The following AOPEP variants were observed in gnomAD, a reference collection of about 807,000 sequenced individuals.
AOPEP encodes aminopeptidase O (putative).
Under a neutral mutation model 98.1 loss-of-function variants are expected in AOPEP, and 77 were observed. The observed-to-expected ratio is 0.78, with a 90% CI of 0.65 to 0.95. The LOEUF (loss-of-function observed/expected upper bound fraction) is 0.95. AOPEP is among the 40% of genes least tolerant of loss of function. The pLI is 0.00. For synonymous variants in AOPEP, 346 were observed against 365.3 expected, an observed-to-expected ratio of 0.95 and a Z score of 0.60; for missense variants, 1,024 against 1,024.7, an observed-to-expected ratio of 1.00 and a Z score of 0.01.
chr9:95,079,204 C>T (rs1345758044), intron 14 of AOPEP, among the ~76,000 whole-genome samples: 6 of 152,174 alleles, frequency 3.9e-5, no homozygotes, highest in Non-Finnish European at 8.8e-5. Context: ...GGATTCTTTC[C>T]AAAAGATTGG....
chr9:94,735,907 A>G (rs924991114), intron 1 of AOPEP, among the ~76,000 whole-genome samples: 1 of 152,156 alleles, frequency 6.6e-6, no homozygotes, highest in Non-Finnish European at 1.5e-5. Flanking sequence ...TGTAAATGTA[A>G]TCATAGAATA....
rs1488500020 is a variant in AOPEP, at chr9:94,747,974, T to C, written c.-135-11675T>C. Among the ~76,000 whole-genome samples the C allele has an allele frequency of 3.3e-5, 5 of 152,302 alleles. No homozygotes were observed. In the East Asian group the frequency reaches 7.7e-4, roughly 23 times the overall value. ...TAAATAAAAAAATAGGAAATTCCAA[T>C]CTTGAATAAAGTAAAAATTAGTTCA... On this transcript the variant is annotated intron_variant, in intron 1 of 16. Coordinates refer to ENST00000375315, the MANE Select transcript of AOPEP (RefSeq NM_001193329.3).
intron 1 of AOPEP, among the ~76,000 whole-genome samples, chr9:94,750,495 G>A (rs1835435825): frequency 6.6e-6 from 1 of 152,020 alleles, no homozygotes; most frequent in African/African-American, 2.4e-5. Context: ...TGAGGCAGGA[G>A]AATCACTTGA....
chr9:94,739,122 T>C (rs950434301), intron 1 of AOPEP, among the ~76,000 whole-genome samples: 8 of 152,156 alleles, frequency 5.3e-5, no homozygotes, highest in Admixed American at 6.5e-5. Flanking sequence ...CTTGCAGGGC[T>C]CATCTGGCTT....
the AOPEP span, among the ~76,000 whole-genome samples, chr9:95,119,188 T>C: frequency 6.6e-6 from 1 of 152,360 alleles, no homozygotes; most frequent in Middle Eastern, 3.4e-3. Context: ...TGCCAACTTA[T>C]GTATCTTTTT....
chr9:95,026,083 C>A (rs2063814712), intron 13 of AOPEP, among the ~76,000 whole-genome samples: 1 of 152,188 alleles, frequency 6.6e-6, no homozygotes, highest in African/African-American at 2.4e-5. Context: ...TGCTAATGGA[C>A]TGATGTCATC....
the AOPEP span, chr9:95,125,013 G>A: frequency 1.6e-6 from 2 of 1,264,432 alleles, no homozygotes; most frequent in African/African-American, 1.5e-5. Flanking sequence ...AAAATAAAGT[G>A]CTCTTGTCCA....
At chr9:94,996,626 C>T (rs895346503) in intron 11 of AOPEP, among the ~76,000 whole-genome samples, 2 of 152,176 alleles carry the variant, frequency 1.3e-5, no homozygotes, top group Admixed American at 6.5e-5. Flanking sequence ...AGATACCACA[C>T]CTGCTCTATC....
intron 11 of AOPEP, among the ~76,000 whole-genome samples, chr9:94,982,315 G>A (rs894049209): frequency 2.6e-5 from 4 of 151,970 alleles, no homozygotes; most frequent in African/African-American, 7.2e-5. Flanking sequence ...CATGCCCTCC[G>A]TAGCAAATTC....
chr9:94,990,477 A>G (rs1339295012), intron 11 of AOPEP, among the ~76,000 whole-genome samples: 2 of 152,220 alleles, frequency 1.3e-5, no homozygotes, highest in East Asian at 1.9e-4. Flanking sequence ...CAAAGATAGC[A>G]GCTCTAGAGT....
At chr9:94,828,902 T>C (rs187382082) in intron 5 of AOPEP, among the ~76,000 whole-genome samples, 1 of 151,070 alleles carries the variant, frequency 6.6e-6, no homozygotes, top group East Asian at 1.9e-4. Flanking sequence ...GGAGGCTTGC[T>C]CTGTTGTCCA....
At chr9:95,052,654 G>A (rs1435587905) in intron 13 of AOPEP, among the ~76,000 whole-genome samples, 1 of 152,146 alleles carries the variant, frequency 6.6e-6, no homozygotes, top group African/African-American at 2.4e-5. Context: ...TACTAAATTT[G>A]TAATGAATAA....
chr9:94,942,240 A>C (rs1298984739), intron 7 of AOPEP, among the ~76,000 whole-genome samples: 1 of 152,242 alleles, frequency 6.6e-6, no homozygotes, highest in African/African-American at 2.4e-5. Flanking sequence ...AATGAGCGTT[A>C]GTTTCCCATT....
rs11423201 is a variant in AOPEP, at chr9:94,819,946, C to CTTTT, written c.1364+18958_1364+18961dup. ...AATAATAAGTTTCTTTAGTGCAATT[C>CTTTT]TTTTTTTTTTTTTTTTTGAGATGGA... On this transcript the variant is annotated intron_variant, in intron 5 of 16. Coordinates refer to ENST00000375315, the MANE Select transcript of AOPEP (RefSeq NM_001193329.3). 4.5e-4 allele frequency among the ~76,000 whole-genome samples: 55 copies of CTTTT among 121,580 alleles called. 7 individuals are homozygous for CTTTT. The highest frequency in any genetic ancestry group is 5.2e-4 in the Non-Finnish European group (32 of 61,050). 79.8% of individuals were successfully genotyped at this position (121,580 alleles called of 152,430 possible). A position where few individuals can be genotyped will look rare whatever the true frequency, so the allele number is the denominator to read the frequency against.
At chr9:94,744,347 C>T (rs950724524) in intron 1 of AOPEP, among the ~76,000 whole-genome samples, 4 of 151,796 alleles carry the variant, frequency 2.6e-5, no homozygotes, top group African/African-American at 9.7e-5. Context: ...GAGCCGAGAT[C>T]GTGCCACTGC....
chr9:94,760,736 A>G (rs1223956837), intron 2 of AOPEP, 156 bp downstream of exon 2: 1 of 547,576 alleles, frequency 1.8e-6, no homozygotes, highest in Non-Finnish European at 3.0e-6. Flanking sequence ...TGAAGCAGGT[A>G]AATTCCCAGG....
chr9:94,989,757 A>G (rs1040094597), intron 11 of AOPEP, among the ~76,000 whole-genome samples: 3 of 151,506 alleles, frequency 2.0e-5, no homozygotes, highest in African/African-American at 7.3e-5. Context: ...GATTACAGAC[A>G]CTAGCCACCA....
At chr9:94,813,979 AAGAG>A (rs1851178927) in intron 5 of AOPEP, among the ~76,000 whole-genome samples, 1 of 152,210 alleles carries the variant, frequency 6.6e-6, no homozygotes, top group South Asian at 2.1e-4. Context: ...TGGTGTACTA[AAGAG>A]AGAGAGTCAT....
rs118093680 is a variant in AOPEP at position 94,941,343 on chromosome 9, C to T, written c.1661+12812C>T. 1.8e-4 allele frequency among the ~76,000 whole-genome samples: 27 copies of T among 152,382 alleles called. No homozygotes were observed. In the East Asian group the frequency reaches 5.2e-3, roughly 29 times the overall value. ...AACTGTATGTCTTAGAATTCCTGCC[C>T]TACACCCCTCTATCCCTCAGGCACG... On this transcript the variant is annotated intron_variant, in intron 7 of 16. Coordinates refer to ENST00000375315, the MANE Select transcript of AOPEP (RefSeq NM_001193329.3).
Sources: gnomAD v4.1 joint callset for allele counts (sites outside exome capture counted in the v4.1 genomes callset) on GRCh38, gnomAD v4.1.1 for gene constraint, MANE v1.5 for transcripts, NCBI Gene and HGNC (gene_info 2026-07-23, HGNC 2026-07-21) for gene names.